Variants in WDR43 observed in about 807,000 individuals in gnomAD.
WDR43 encodes WD repeat-containing protein 43.
WDR43 carries 13 observed loss-of-function variants against 91.4 expected under a neutral mutation model. The ratio of observed to expected loss-of-function variants is 0.14; its 90% CI spans 0.09 to 0.23. The LOEUF (loss-of-function observed/expected upper bound fraction) is 0.23. WDR43 is among the 10% of genes least tolerant of loss of function. The pLI is 1.00. For synonymous variants in WDR43, 331 were observed against 287.9 expected, an observed-to-expected ratio of 1.15 and a Z score of -1.51; for missense variants, 780 against 809.4, an observed-to-expected ratio of 0.96 and a Z score of 0.44.
intron 6 of WDR43, among the ~76,000 whole-genome samples, chr2:28,919,280 T>C (rs907528347): frequency 1.3e-5 from 2 of 151,370 alleles, no homozygotes; most frequent in African/African-American, 2.4e-5. Flanking sequence ...TAAATACATA[T>C]AGCTTCTGTT....
At chr2:28,923,025 C>G (rs1001435228) in intron 7 of WDR43, 42 bp downstream of exon 7, 8 of 1,548,950 alleles carry the variant, frequency 5.2e-6, no homozygotes, top group African/African-American at 1.4e-5. Flanking sequence ...GTTTCTTTCC[C>G]TGACTTGTTA....
intron 9 of WDR43, chr2:28,926,954 A>G (rs1671153315): frequency 1.1e-5 from 5 of 450,804 alleles, no homozygotes; most frequent in Non-Finnish European, 2.2e-5. Context: ...GGGCTAGAAT[A>G]TAATACCACA....
chr2:28,903,029 C>T lies in WDR43; in HGVS notation c.363+905C>T, dbSNP rs570424778. ...TACCTAAGTCTGTCGCCGAGAGGTC[C>T]TCTTAATAATTTGTATATTTCTTTG... On this transcript the variant is annotated intron_variant, in intron 2 of 17. Transcript: ENST00000407426. 2.0e-5 allele frequency among the ~76,000 whole-genome samples: 3 copies of T among 152,026 alleles called. No homozygotes were observed. The South Asian group carries it at 6.2e-4, about 32-fold the overall frequency.
rs1458168800 is a variant in WDR43, at chr2:28,908,790, A to G, written c.485+2209A>G. ...ATGTATTGATTTTCTGTTGTGGAAGATGAGGATTTAGCTCTTACCTTCTTT... is the reference window on the plus strand; with the variant it reads ...ATGTATTGATTTTCTGTTGTGGAAGGTGAGGATTTAGCTCTTACCTTCTTT... On this transcript the variant is annotated intron_variant, in intron 3 of 17. Coordinates refer to ENST00000407426, the MANE Select transcript of WDR43 (RefSeq NM_015131.3). Among the ~76,000 whole-genome samples the G allele has an allele frequency of 3.1e-4, 47 of 152,184 alleles. 1 individual carries two copies. The highest frequency in any genetic ancestry group is 2.8e-3 in the Admixed American group (43 of 15,278).
chr2:28,946,745 A>G lies in WDR43; in HGVS notation c.2000A>G (p.Asp667Gly), dbSNP rs746511748. Residue 667 changes from aspartate (D) to glycine (G), a missense_variant, in exon 18 of 18, where the codon GAT (aspartate) becomes GGT (glycine). Around this residue, in one of 4 missense-constraint regions of WDR43, gnomAD observed 426 missense variants for 467.8 expected, o/e 0.91. Transcript: ENST00000407426. ...ASEKELNGDS[D>G]LDPENESEEE ...GAAAAAGAATTAAATGGAGATTCTG[A>G]TTTAGATCCTGAAAATGAAAGTGAA... 3 of 1,586,882 alleles carry G rather than the reference A, an allele frequency of 1.9e-6. No individual in the cohort carries two copies. The highest frequency in any genetic ancestry group is 1.7e-6 in the Non-Finnish European group (2 of 1,166,932).
At chr2:28,921,448 T>C (rs972543509) in intron 6 of WDR43, among the ~76,000 whole-genome samples, 16 of 152,054 alleles carry the variant, frequency 1.1e-4, no homozygotes, top group African/African-American at 2.9e-4. Flanking sequence ...TTTTAAGATA[T>C]TAAACTAGGA....
intron 1 of WDR43, among the ~76,000 whole-genome samples, chr2:28,897,938 A>G (rs1402085235): frequency 1.3e-5 from 2 of 152,236 alleles, no homozygotes; most frequent in African/African-American, 4.8e-5. Flanking sequence ...GGACAAGAAG[A>G]TAGGAAAGTG....
intron 2 of WDR43, among the ~76,000 whole-genome samples, 151 bp downstream of exon 2, chr2:28,902,275 A>G (rs1028770831): frequency 6.6e-6 from 1 of 152,214 alleles, no homozygotes; most frequent in Non-Finnish European, 1.5e-5. Flanking sequence ...CTGAATAGTA[A>G]TATTTGATAA....
At chr2:28,931,971 G>A (rs1671256372) in intron 11 of WDR43, among the ~76,000 whole-genome samples, 1 of 150,684 alleles carries the variant, frequency 6.6e-6, no homozygotes, top group African/African-American at 2.4e-5. Flanking sequence ...GAACTCCTGG[G>A]CTCAAGTGAT....
intron 16 of WDR43, among the ~76,000 whole-genome samples, chr2:28,945,600 C>T (rs1671530778): frequency 6.6e-6 from 1 of 152,142 alleles, no homozygotes; most frequent in Non-Finnish European, 1.5e-5. Flanking sequence ...GATGTGAGGC[C>T]TAAAGGTTTG....
intron 9 of WDR43, 71 bp downstream of exon 9, chr2:28,926,625 TA>T: frequency 3.1e-6 from 4 of 1,307,400 alleles, no homozygotes; most frequent in Non-Finnish European, 3.2e-6. Context: ...TGTTACTTAG[TA>T]TTATGATTAA....
In WDR43 at chr2:28,895,234, G is replaced by A. The variant is rs1469171528; in HGVS notation, c.225+311G>A. On this transcript the variant is annotated intron_variant, in intron 1 of 17. Coordinates refer to ENST00000407426, the MANE Select transcript of WDR43 (RefSeq NM_015131.3). ...CCAAGTCCCCTGGTCCCCCTGGGGC[G>A]GCTTCCTTCTGCCGGGCCTTGGCTC... 6 of 281,960 alleles carry A rather than the reference G, an allele frequency of 2.1e-5. No homozygotes were observed. In the East Asian group the frequency reaches 3.1e-4, roughly 15 times the overall value. The allele number at this position is 281,960 out of a possible 1,614,324, so 17.5% of individuals were successfully genotyped here.
intron 13 of WDR43, 108 bp from the exon 14 acceptor site, chr2:28,937,823 C>A: frequency 2.9e-6 from 3 of 1,022,370 alleles, no homozygotes; most frequent in Non-Finnish European, 4.4e-6. Flanking sequence ...GTCATTTTCA[C>A]AGAGCAACAT....
intron 3 of WDR43, 92 bp downstream of exon 3, chr2:28,906,673 C>A: frequency 6.6e-6 from 9 of 1,370,980 alleles, no homozygotes; most frequent in East Asian, 2.8e-5. Flanking sequence ...TTATAGGTTC[C>A]ATTTACAAAG....
chr2:28,895,917 ACT>A (rs1245078232), intron 1 of WDR43: 3 of 151,966 alleles, frequency 2.0e-5, no homozygotes, highest in Non-Finnish European at 4.4e-5. Flanking sequence ...TTAGGATCTT[ACT>A]CTCTCTGACG....
intron 11 of WDR43, among the ~76,000 whole-genome samples, chr2:28,932,535 T>C (rs961730638): frequency 2.6e-5 from 4 of 152,248 alleles, no homozygotes; most frequent in African/African-American, 7.2e-5. Flanking sequence ...TATGCATTTA[T>C]ATATTCTGTA....
intron 6 of WDR43, among the ~76,000 whole-genome samples, chr2:28,918,577 C>G (rs1225775542): frequency 6.6e-6 from 1 of 151,996 alleles, no homozygotes; most frequent in African/African-American, 2.4e-5. Flanking sequence ...CCATTTTGGT[C>G]AGGCTGGTCT....
intron 2 of WDR43, among the ~76,000 whole-genome samples, chr2:28,903,781 G>A (rs1670622231): frequency 6.6e-6 from 1 of 152,076 alleles, no homozygotes; most frequent in South Asian, 2.1e-4. Context: ...TAGCTGCTCA[G>A]CTGCTGTGGC....
intron 16 of WDR43, among the ~76,000 whole-genome samples, chr2:28,945,281 A>G (rs1448151193): frequency 1.3e-5 from 2 of 152,196 alleles, no homozygotes; most frequent in Non-Finnish European, 2.9e-5. Context: ...ACATTAGCAC[A>G]CCTAATGAAA....
Sources: allele counts gnomAD v4.1 joint callset (sites outside exome capture counted in the v4.1 genomes callset), GRCh38; gene constraint gnomAD v4.1.1; regional missense constraint gnomAD v4.1.1; transcripts MANE v1.5; gene names NCBI Gene and HGNC (gene_info 2026-07-23, HGNC 2026-07-21).